Variants in MPRIP observed in about 807,000 individuals in gnomAD.
MPRIP encodes myosin phosphatase Rho interacting protein, also known as myosin phosphatase Rho-interacting protein.
MPRIP carries 59 observed loss-of-function variants against 234.9 expected under a neutral mutation model. That is an observed-to-expected ratio of 0.25 (90% CI 0.20 to 0.31). The LOEUF (loss-of-function observed/expected upper bound fraction) is 0.31. MPRIP is among the 10% of genes least tolerant of loss of function. MPRIP has a pLI of 1.00. For synonymous variants in MPRIP, 1,144 were observed against 1,263.9 expected (o/e 0.91, Z 2.01); for missense variants, 2,436 against 3,071.0 (o/e 0.79, Z 4.89).
chr17:17,179,820 T>A (rs551941094), intron 22 of MPRIP, among the ~76,000 whole-genome samples, 183 bp from the exon 23 acceptor site: 1 of 152,332 alleles, frequency 6.6e-6, no homozygotes, highest in South Asian at 2.1e-4. Context: ...TGTTTTATGG[T>A]GGTCTGAAGA....
chr17:17,158,541 A>T lies in MPRIP; in HGVS notation c.1939A>T (p.Ser647Cys), dbSNP rs963001325. The stretch of plus-strand genomic sequence containing the variant: ...GGAGCCGGACCCTGAGCAGAAGAGG[A>T]GCCGCGCACGGGAGCGGAGGCGAGA... The part of the protein sequence containing the change: ...LGEPDPEQKR[S>C]RARERRREGR... The change falls in exon 14 of 24, where the codon AGC becomes TGC. Residue 647 changes from serine to cysteine, a missense_variant. This residue lies in a region of MPRIP where 1,998 missense variants were observed against 2,520.3 expected (regional missense o/e 0.79). Transcript: ENST00000651222. The T allele has an allele frequency of 3.7e-6, 6 of 1,611,870 alleles. No individual in the cohort carries two copies. The highest frequency in any genetic ancestry group is 5.1e-6 in the Non-Finnish European group (6 of 1,179,928).
intron 1 of MPRIP, among the ~76,000 whole-genome samples, chr17:17,056,244 G>A (rs2143885716): frequency 6.6e-6 from 1 of 152,312 alleles, no homozygotes; most frequent in South Asian, 2.1e-4. Context: ...GGGAAGGACG[G>A]CTTTTTGAGG....
intron 1 of MPRIP, among the ~76,000 whole-genome samples, chr17:17,044,777 G>A (rs931928076): frequency 3.9e-5 from 6 of 152,070 alleles, no homozygotes; most frequent in Admixed American, 2.6e-4. Flanking sequence ...TTGGATTCAC[G>A]GGGAGAGGCA....
intron 16 of MPRIP, chr17:17,168,209 C>A: frequency 3.3e-6 from 1 of 305,444 alleles, no homozygotes; most frequent in South Asian, 2.8e-5. Flanking sequence ...TGCGGCCTCT[C>A]CGTGTTCCTG....
intron 3 of MPRIP, among the ~76,000 whole-genome samples, chr17:17,087,000 C>T (rs1408846850): frequency 6.6e-6 from 1 of 152,130 alleles, no homozygotes. Flanking sequence ...GGACCCGGAA[C>T]TGTTAGGCAG....
Position 17,187,568 on chromosome 17 carries a change from C to A in MPRIP, c.*2674C>A, listed in dbSNP as rs995031383. The A allele has an allele frequency of 6.6e-6, 1 of 152,224 alleles. No homozygotes were observed. The highest frequency in any genetic ancestry group is 2.1e-4 in the South Asian group (1 of 4,830). 9.4% of individuals were successfully genotyped at this position (152,224 alleles called of 1,614,324 possible). On this transcript the variant is annotated 3_prime_UTR_variant, in exon 24 of 24. Transcript: ENST00000651222. ...TTCTTCATGTTGCACCTGGACATGC[C>A]CCAGGAACAGAGACTTGCCCAGGTG...
At chr17:17,119,619 C>T (rs1476625030) in intron 3 of MPRIP, among the ~76,000 whole-genome samples, 1 of 152,164 alleles carries the variant, frequency 6.6e-6, no homozygotes, top group Non-Finnish European at 1.5e-5. Flanking sequence ...TACTCAGGGC[C>T]TGGCCACAGT....
rs1441692282 is a variant in MPRIP, at chr17:17,188,195, C to T, written c.*3301C>T. ...TCCCGGGTCTGAGTGGATCATTGGGCAGGGGTGGAGACAGTGCGCTGCCCT... is the reference window on the plus strand; with the variant it reads ...TCCCGGGTCTGAGTGGATCATTGGGTAGGGGTGGAGACAGTGCGCTGCCCT... On this transcript the variant is annotated 3_prime_UTR_variant, in exon 24 of 24. Transcript: ENST00000651222. 6.6e-6 allele frequency: 1 copy of T among 152,278 alleles called. No individual in the cohort carries two copies. Among genetic ancestry groups the T allele is most frequent in the Non-Finnish European group, 1.5e-5 (1 of 68,076 alleles). The allele number at this position is 152,278 out of a possible 1,614,324, so 9.4% of individuals were successfully genotyped here. A position where few individuals can be genotyped will look rare whatever the true frequency, so the allele number is the denominator to read the frequency against.
chr17:17,096,709 AGCCCTGTCCTT>A, intron 3 of MPRIP: 1 of 469,288 alleles, frequency 2.1e-6, no homozygotes, highest in Non-Finnish European at 4.4e-6. Flanking sequence ...TCTGGGGCTC[AGCCCTGTCCTT>A]ACCCAGGGCC....
chr17:17,161,159 C>A, intron 14 of MPRIP, 81 bp from the exon 15 acceptor site: 1 of 924,292 alleles, frequency 1.1e-6, no homozygotes. Context: ...ACATGGAAGA[C>A]CAGTGAAAGA....
chr17:17,167,865 G>T lies in MPRIP; in HGVS notation c.6274G>T (p.Asp2092Tyr). Residue 2092 changes from aspartate (D) to tyrosine (Y), a missense_variant, in exon 16 of 24, where the codon GAC becomes TAC. Physicochemically the swap from Asp to Tyr is radical, Grantham distance 160. Coordinates refer to ENST00000651222, the MANE Select transcript of MPRIP (RefSeq NM_001364716.4). The surrounding 1 kb of genome is among the most constrained non-coding windows in gnomAD (Gnocchi z 5.9). ...EELGHKDLEG[D>Y]AATLREKYQR... ...GCTGGGACACAAGGACCTGGAGGGC[G>T]ACGCGGCCACACTGCGTGAGAAGTA... The T allele has an allele frequency of 7.7e-7, 1 of 1,304,172 alleles. No individual in the cohort carries two copies. The highest frequency in any genetic ancestry group is 1.0e-6 in the Non-Finnish European group (1 of 988,960). 80.8% of individuals were successfully genotyped at this position (1,304,172 alleles called of 1,614,324 possible).
chr17:17,174,559 G>A (rs747250673), intron 19 of MPRIP, among the ~76,000 whole-genome samples: 3 of 152,010 alleles, frequency 2.0e-5, no homozygotes, highest in Non-Finnish European at 4.4e-5. Context: ...TGCTCTGTCC[G>A]GGCGCGGTGG....
At chr17:17,150,899 G>A (rs1190414587) in intron 12 of MPRIP, among the ~76,000 whole-genome samples, 1 of 151,942 alleles carries the variant, frequency 6.6e-6, no homozygotes, top group Non-Finnish European at 1.5e-5. Flanking sequence ...AGGCTTGAGT[G>A]TAGTGGCACA....
chr17:17,107,194 A>G (rs2090079807), intron 3 of MPRIP, among the ~76,000 whole-genome samples: 1 of 152,094 alleles, frequency 6.6e-6, no homozygotes, highest in Admixed American at 6.5e-5. Flanking sequence ...GAGGGGGTGG[A>G]TTGGTGTTTG....
rs1002062767 is a variant in MPRIP, at chr17:17,166,886, C to G, written c.5295C>G (p.Phe1765Leu). The change falls in exon 16 of 24, where the codon TTC (phenylalanine) becomes TTG (leucine). Residue 1765 changes from phenylalanine to leucine, a missense_variant. Transcript: ENST00000651222. The surrounding 1 kb of genome is among the most constrained non-coding windows in gnomAD (Gnocchi z 4.4). ...ACTCAGACAGCTCTCAGGAGCCCTT[C>G]GATGTGTCTGACCAGAGCCCTGGGG... ...GRDSDSSQEPFDVSDQSPGAF... is the reference protein window; with the variant it reads ...GRDSDSSQEPLDVSDQSPGAF... 1 of 1,304,180 alleles carries G rather than the reference C, an allele frequency of 7.7e-7. No homozygotes were observed. Among genetic ancestry groups the G allele is most frequent in the South Asian group, 1.2e-5 (1 of 81,030 alleles). The allele number at this position is 1,304,180 out of a possible 1,614,324, so 80.8% of individuals were successfully genotyped here.
At chr17:17,160,659 G>A (rs140886606) in intron 14 of MPRIP, among the ~76,000 whole-genome samples, 30 of 152,338 alleles carry the variant, frequency 2.0e-4, no homozygotes, top group African/African-American at 7.2e-4. Context: ...AACTCTTTTT[G>A]CAAACAGAAC....
At chr17:17,086,193 C>T (rs143236296) in intron 3 of MPRIP, among the ~76,000 whole-genome samples, 191 of 152,238 alleles carry the variant, frequency 1.3e-3, no homozygotes, top group Non-Finnish European at 2.1e-3. Flanking sequence ...CAAGGAGAAG[C>T]GGCTGGGTCC....
intron 1 of MPRIP, among the ~76,000 whole-genome samples, chr17:17,069,380 C>CAT (rs1358017238): frequency 6.6e-6 from 1 of 151,710 alleles, no homozygotes; most frequent in Non-Finnish European, 1.5e-5. Context: ...TCTACTCTAT[C>CAT]AATCTTTTAA....
intron 9 of MPRIP, among the ~76,000 whole-genome samples, chr17:17,145,113 T>C (rs1443622318): frequency 6.6e-6 from 1 of 152,218 alleles, no homozygotes; most frequent in Non-Finnish European, 1.5e-5. Flanking sequence ...GAGGGACTTC[T>C]TATCTATCTG....
Sources: gnomAD v4.1 joint callset for allele counts (sites outside exome capture counted in the v4.1 genomes callset) on GRCh38, gnomAD v4.1.1 for gene constraint, gnomAD v4.1.1 regional missense constraint, Gnocchi (gnomAD v3.1) non-coding constraint, MANE v1.5 for transcripts, NCBI Gene and HGNC (gene_info 2026-07-23, HGNC 2026-07-21) for gene names.